COBL: variants seen among roughly 807,000 people sequenced by gnomAD.
COBL encodes the protein protein cordon-bleu.
COBL carries 51 observed loss-of-function variants against 98.8 expected under a neutral mutation model. The observed-to-expected ratio is 0.52, with a 90% CI of 0.41 to 0.65. The LOEUF is 0.65. COBL is among the 30% of genes least tolerant of loss of function. The pLI is 0.00. For synonymous variants in COBL, 634 were observed against 651.7 expected, an observed-to-expected ratio of 0.97 and a Z score of 0.41; for missense variants, 1,617 against 1,617.5, an observed-to-expected ratio of 1.00 and a Z score of 0.01.
At chr7:51,200,099 G>A (rs1300652431) in intron 2 of COBL, among the ~76,000 whole-genome samples, 1 of 152,166 alleles carries the variant, frequency 6.6e-6, no homozygotes, top group East Asian at 1.9e-4. Flanking sequence ...TTGCAGGCCA[G>A]GAGACAATGG....
At chr7:51,062,867 C>T (rs548158898) in intron 7 of COBL, among the ~76,000 whole-genome samples, 7 of 152,246 alleles carry the variant, frequency 4.6e-5, no homozygotes, top group African/African-American at 7.2e-5. Flanking sequence ...CCGTGGAGAG[C>T]GCTGGGGCAC....
At chr7:51,027,691 C>T (rs200812160) in intron 10 of COBL, 21 bp downstream of exon 10, 2 of 1,592,514 alleles carry the variant, frequency 1.3e-6, no homozygotes, top group East Asian at 2.2e-5. Flanking sequence ...GAAGGCCTGC[C>T]CCGGAAGCCG....
At chr7:51,273,651 C>G (rs572287149) in intron 1 of COBL, among the ~76,000 whole-genome samples, 1 of 152,302 alleles carries the variant, frequency 6.6e-6, no homozygotes, top group East Asian at 1.9e-4. Context: ...ACAGCTACAT[C>G]TGCAGCATAT....
chr7:51,040,205 A>C lies in COBL; in HGVS notation c.1406+3178T>G, dbSNP rs1009075141. ...GATAATTTCTGTTAAAAAAAAAAAA[A>C]AAACCTCAAAATGGTGCCCAAAAAA... On this transcript the variant is annotated intron_variant, in intron 8 of 12. Coordinates refer to ENST00000265136, the MANE Select transcript of COBL (RefSeq NM_015198.5). 1.4e-4 allele frequency among the ~76,000 whole-genome samples: 21 copies of C among 152,200 alleles called. 1 individual carries two copies. The highest frequency in any genetic ancestry group is 4.1e-4 in the African/African-American group (17 of 41,538).
intron 6 of COBL, among the ~76,000 whole-genome samples, chr7:51,117,320 A>G (rs1797361483): frequency 7.5e-6 from 1 of 133,990 alleles, no homozygotes. Context: ...TCTGGAGTCA[A>G]TAGAGTCCCA....
At chr7:51,226,522 T>TTGAGTGAGTGAGTGAG (rs3081930) in intron 1 of COBL, among the ~76,000 whole-genome samples, 5,491 of 150,508 alleles carry the variant, frequency 0.036, 185 homozygotes, top group Admixed American at 0.091. Flanking sequence ...CACCACTGCG[T>TTGAGTGAGTGAGTGAG]TGAGTGAGTG....
intron 7 of COBL, among the ~76,000 whole-genome samples, chr7:51,052,189 C>T (rs1790316172): frequency 6.6e-6 from 1 of 152,092 alleles, no homozygotes; most frequent in African/African-American, 2.4e-5. Flanking sequence ...ACAAGAAGCC[C>T]CAACCAACAA....
intron 1 of COBL, among the ~76,000 whole-genome samples, chr7:51,240,902 C>T (rs1795729526): frequency 6.6e-6 from 1 of 152,186 alleles, no homozygotes; most frequent in Non-Finnish European, 1.5e-5. Context: ...TACGAGACCA[C>T]CCTTTCCTCG....
chr7:51,054,792 C>G (rs1485400563), intron 7 of COBL, among the ~76,000 whole-genome samples: 1 of 152,202 alleles, frequency 6.6e-6, no homozygotes, highest in Non-Finnish European at 1.5e-5. Context: ...GACAGAAAAC[C>G]CAGCCTTTCA....
At chr7:51,288,803 TAAG>T (rs1362464098) in intron 1 of COBL, among the ~76,000 whole-genome samples, 1 of 118,514 alleles carries the variant, frequency 8.4e-6, no homozygotes, top group Non-Finnish European at 1.7e-5. Context: ...AAATGGGAAA[TAAG>T]AACTGAATTC....
intron 5 of COBL, among the ~76,000 whole-genome samples, chr7:51,155,613 AAAAAAGAAG>A: frequency 6.7e-6 from 1 of 150,318 alleles, no homozygotes; most frequent in South Asian, 2.1e-4. Context: ...AAAAAAAAAA[AAAAAAGAAG>A]ACTGCACAGT....
intron 5 of COBL, among the ~76,000 whole-genome samples, chr7:51,174,448 T>C (rs970170480): frequency 6.6e-6 from 1 of 151,766 alleles, no homozygotes; most frequent in African/African-American, 2.4e-5. Flanking sequence ...TAGAGAAAAA[T>C]ATAGTAAAAT....
At chr7:51,241,453 G>A (rs932425348) in intron 1 of COBL, among the ~76,000 whole-genome samples, 14 of 152,126 alleles carry the variant, frequency 9.2e-5, no homozygotes, top group Non-Finnish European at 1.5e-4. Context: ...CCCTCGGAAG[G>A]CCTGGGTGCT....
intron 7 of COBL, among the ~76,000 whole-genome samples, chr7:51,061,981 A>ACACACACACACACACACT (rs1322943132): frequency 2.9e-4 from 44 of 150,620 alleles, no homozygotes; most frequent in African/African-American, 1.0e-3. Flanking sequence ...ACACACACAC[A>ACACACACACACACACACT]CTCATAAATA....
intron 5 of COBL, among the ~76,000 whole-genome samples, chr7:51,157,593 T>C (rs1786305923): frequency 6.6e-6 from 1 of 152,198 alleles, no homozygotes; most frequent in African/African-American, 2.4e-5. Flanking sequence ...GTGGAGGCAC[T>C]CTGCTCTCTT....
rs184562646 is a variant in COBL, at chr7:51,047,845, T to G, written c.1097-4153A>C. 3.2e-3 allele frequency among the ~76,000 whole-genome samples: 484 copies of G among 151,516 alleles called. 2 individuals carry two copies. The highest frequency in any genetic ancestry group is 0.011 in the African/African-American group (448 of 41,168). On this transcript the variant is annotated intron_variant, in intron 7 of 12. Transcript: ENST00000265136. ...ACAAGGTAAAGTGCTTCTGAACTAG[T>G]GATACAAACTGACATAAAGCATTTC...
chr7:51,242,586 C>T (rs933416378), intron 1 of COBL, among the ~76,000 whole-genome samples: 16 of 152,250 alleles, frequency 1.1e-4, no homozygotes, highest in Middle Eastern at 3.4e-3. Flanking sequence ...CCCTGCTATA[C>T]GCCAATTCCT....
intron 1 of COBL, chr7:51,316,376 T>A (rs1194743042): frequency 3.0e-6 from 1 of 331,644 alleles, no homozygotes; most frequent in Non-Finnish European, 5.4e-6. Context: ...CCGACACGGT[T>A]ACCTGGGCAA....
At chr7:51,110,231 T>C (rs961127767) in intron 6 of COBL, among the ~76,000 whole-genome samples, 3 of 152,204 alleles carry the variant, frequency 2.0e-5, no homozygotes, top group Non-Finnish European at 4.4e-5. Context: ...TGAACTTTTA[T>C]ATCCATTAAG....
Sources: gnomAD v4.1 joint callset for allele counts (sites outside exome capture counted in the v4.1 genomes callset) on GRCh38, gnomAD v4.1.1 for gene constraint, MANE v1.5 for transcripts, NCBI Gene and HGNC (gene_info 2026-07-23, HGNC 2026-07-21) for gene names.